The following PIN1 variants were observed in gnomAD, a reference collection of about 807,000 sequenced individuals.
The protein encoded by PIN1 is peptidyl-prolyl cis-trans isomerase NIMA-interacting 1.
PIN1 carries 8 observed loss-of-function variants against 19.9 expected under a neutral mutation model. The observed-to-expected ratio is 0.40, with a 90% CI of 0.24 to 0.72. PIN1 has a LOEUF of 0.72. Among genes scored for constraint, PIN1 ranks in the 30% least tolerant of loss-of-function variants. The pLI, the probability that PIN1 is intolerant of heterozygous loss-of-function variation, is 0.37. For missense variants in PIN1, 185 were observed against 226.5 expected (o/e 0.82, Z 1.18); for synonymous variants, 86 against 90.8 (o/e 0.95, Z 0.30).
chr19:9,847,554 T>G (rs1027147655), intron 2 of PIN1, among the ~76,000 whole-genome samples: 3 of 152,218 alleles, frequency 2.0e-5, no homozygotes, highest in African/African-American at 7.2e-5. Flanking sequence ...GCCGTGGCAG[T>G]GCTGGGCTTT....
At chr19:9,848,210 C>A in intron 3 of PIN1, 70 bp downstream of exon 3, 2 of 914,128 alleles carry the variant, frequency 2.2e-6, no homozygotes, top group Non-Finnish European at 3.6e-6. Context: ...CCAGGAGGGT[C>A]TGGGCATTGG....
chr19:9,837,149 TTTA>T lies in PIN1; in HGVS notation c.59-1284_59-1282del, dbSNP rs1163208387. On this transcript the variant is annotated intron_variant, in intron 1 of 3. Coordinates refer to ENST00000247970, the MANE Select transcript of PIN1 (RefSeq NM_006221.4). ...ATGGCTAATTTTTTATTTTTTATTTTTTATTGTTTGTTTGTTTGTTTTGAGACA... is the reference window on the plus strand; with the variant it reads ...ATGGCTAATTTTTTATTTTTTATTTTTTGTTTGTTTGTTTGTTTTGAGACA... 1.5e-5 allele frequency: 4 copies of T among 269,464 alleles called. No homozygotes were observed. In the East Asian group the frequency reaches 3.0e-4, roughly 20 times the overall value. The allele number at this position is 269,464 out of a possible 1,614,324, so 16.7% of individuals were successfully genotyped here.
chr19:9,845,980 T>G (rs946865030), intron 2 of PIN1, among the ~76,000 whole-genome samples: 3 of 151,720 alleles, frequency 2.0e-5, no homozygotes, highest in African/African-American at 7.3e-5. Context: ...GCTGGCTTAG[T>G]GGTCCAGACA....
At chr19:9,844,884 C>T (rs970917570) in intron 2 of PIN1, among the ~76,000 whole-genome samples, 3 of 152,198 alleles carry the variant, frequency 2.0e-5, no homozygotes, top group Admixed American at 1.3e-4. Flanking sequence ...CTTGAACATT[C>T]GTGAACACCT....
chr19:9,848,188 G>C, intron 3 of PIN1, 48 bp downstream of exon 3: 1 of 1,134,828 alleles, frequency 8.8e-7, no homozygotes, highest in South Asian at 1.2e-5. Flanking sequence ...TTACCACCCT[G>C]AGGGGTAGAG....
chr19:9,848,351 G>A (rs1432552225), intron 3 of PIN1: 2 of 583,308 alleles, frequency 3.4e-6, no homozygotes, highest in African/African-American at 3.7e-5. Context: ...CTTTCTTCCT[G>A]GCATCATCTC....
chr19:9,847,987 C>A (rs571699083), intron 2 of PIN1, 43 bp from the exon 3 acceptor site: 22 of 1,301,208 alleles, frequency 1.7e-5, no homozygotes, highest in South Asian at 2.4e-5. Flanking sequence ...CAGGCCCCCC[C>A]CAACCCCTGA....
chr19:9,835,753 G>A, intron 1 of PIN1: 1 of 327,656 alleles, frequency 3.1e-6, no homozygotes, highest in East Asian at 6.1e-5. Flanking sequence ...CCCTGGGAGG[G>A]AGACACCCCA....
intron 1 of PIN1, chr19:9,836,881 G>A (rs2046112267): frequency 7.8e-7 from 1 of 1,282,452 alleles, no homozygotes; most frequent in Non-Finnish European, 1.0e-6. Flanking sequence ...AAAAGGTGAG[G>A]TCTCCGTTTT....
intron 1 of PIN1, chr19:9,836,909 GATA>G: frequency 8.4e-7 from 1 of 1,186,194 alleles, no homozygotes; most frequent in South Asian, 1.3e-5. Context: ...ATACAATAGA[GATA>G]ATAAAGGCTA....
chr19:9,835,622 G>T (rs1041509449), intron 1 of PIN1: 2 of 500,356 alleles, frequency 4.0e-6, no homozygotes, highest in Non-Finnish European at 6.8e-6. Context: ...GGGCTGGGCG[G>T]GTGAGGGTCC....
Position 9,838,335 on chromosome 19 carries a change from G to T in PIN1, c.59-101G>T, listed in dbSNP as rs985289095. The T allele has an allele frequency of 1.2e-6, 1 of 869,196 alleles. No individual in the cohort carries two copies. The highest frequency in any genetic ancestry group is 2.6e-5 in the East Asian group (1 of 38,058). 53.8% of individuals were successfully genotyped at this position (869,196 alleles called of 1,614,324 possible). A position where few individuals can be genotyped will look rare whatever the true frequency, so the allele number is the denominator to read the frequency against. Reference sequence around the variant, plus strand: ...CACCATGGATTTGTTGAATGAAGGCGCCCCCTGCAAGCCAGGCCCTCACCC... The same window carrying T: ...CACCATGGATTTGTTGAATGAAGGCTCCCCCTGCAAGCCAGGCCCTCACCC... On this transcript the variant is annotated intron_variant, in intron 1 of 3. Coordinates refer to ENST00000247970, the MANE Select transcript of PIN1 (RefSeq NM_006221.4). This position sits in a 1 kb window ranked among gnomAD's most constrained non-coding sequence, Gnocchi z 5.8.
At chr19:9,835,478 G>A in intron 1 of PIN1, 76 bp downstream of exon 1, 2 of 1,063,068 alleles carry the variant, frequency 1.9e-6, no homozygotes. Flanking sequence ...CCTTGGGCGC[G>A]GCGGCAGCGC....
chr19:9,847,981 C>G, intron 2 of PIN1, 49 bp from the exon 3 acceptor site: 1 of 1,165,664 alleles, frequency 8.6e-7, no homozygotes, highest in Non-Finnish European at 1.3e-6. Context: ...TCTGGTCAGG[C>G]CCCCCCCAAC....
intron 2 of PIN1, among the ~76,000 whole-genome samples, chr19:9,844,803 C>T (rs570446156): frequency 5.9e-5 from 9 of 152,196 alleles, no homozygotes; most frequent in Non-Finnish European, 1.2e-4. Flanking sequence ...ATTTCTGCTT[C>T]GAGCCCCGTG....
intron 2 of PIN1, among the ~76,000 whole-genome samples, chr19:9,839,599 C>T (rs1472883485): frequency 6.6e-6 from 1 of 152,170 alleles, no homozygotes; most frequent in Non-Finnish European, 1.5e-5. Flanking sequence ...TCTATCAGCT[C>T]TGCTTTGTAA....
rs2145410106 is a variant in PIN1, at chr19:9,838,703, T to C, written c.271+55T>C. The C allele has an allele frequency of 7.1e-7, 1 of 1,405,604 alleles. No individual in the cohort carries two copies. The highest frequency in any genetic ancestry group is 2.5e-5 in the East Asian group (1 of 39,986). 87.1% of individuals were successfully genotyped at this position (1,405,604 alleles called of 1,614,324 possible). ...GGGGGTCTTCTCCCAGGTGAGCCTTTGTAGAAGTCACATCAGACCCTTCAC... is the reference window on the plus strand; with the variant it reads ...GGGGGTCTTCTCCCAGGTGAGCCTTCGTAGAAGTCACATCAGACCCTTCAC... On this transcript the variant is annotated intron_variant, in intron 2 of 3. Transcript: ENST00000247970. This position sits in a 1 kb window ranked among gnomAD's most constrained non-coding sequence, Gnocchi z 5.8.
At chr19:9,845,436 C>T (rs2046212097) in intron 2 of PIN1, among the ~76,000 whole-genome samples, 2 of 151,610 alleles carry the variant, frequency 1.3e-5, no homozygotes, top group South Asian at 2.1e-4. Flanking sequence ...TTGTTGCCCA[C>T]GCTGGAGTGC....
chr19:9,838,461 C>A lies in PIN1; in HGVS notation c.84C>A (p.Ile28=), dbSNP rs938194877. ...GCCGAGTGTACTACTTCAACCACAT[C>A]ACTAACGCCAGCCAGTGGGAGCGGC... ...SSGRVYYFNH[I]TNASQWERPS... The change falls in exon 2 of 4, where the codon ATC becomes ATA. Residue 28 remains isoleucine, a synonymous_variant. Coordinates refer to ENST00000247970, the MANE Select transcript of PIN1 (RefSeq NM_006221.4). This position sits in a 1 kb window ranked among gnomAD's most constrained non-coding sequence, Gnocchi z 5.8. 9 of 1,607,536 alleles carry A rather than the reference C, an allele frequency of 5.6e-6. No homozygotes were observed. Among genetic ancestry groups the A allele is most frequent in the Non-Finnish European group, 7.6e-6 (9 of 1,178,220 alleles).
Sources: allele counts gnomAD v4.1 joint callset (sites outside exome capture counted in the v4.1 genomes callset), GRCh38; gene constraint gnomAD v4.1.1; non-coding constraint Gnocchi (gnomAD v3.1); transcripts MANE v1.5; gene names NCBI Gene and HGNC (gene_info 2026-07-23, HGNC 2026-07-21).